The following KCNN2 variants were observed in gnomAD, a reference collection of about 807,000 sequenced individuals.
KCNN2 encodes the protein small conductance calcium-activated potassium channel protein 2.
In KCNN2, 24 loss-of-function variants were observed where a neutral mutation model predicts 55.5. The observed-to-expected ratio is 0.43, with a 90% CI of 0.31 to 0.61. The LOEUF (loss-of-function observed/expected upper bound fraction) is 0.61, where lower values mean the gene tolerates loss of function less well. KCNN2 is among the 20% of genes least tolerant of loss of function. The probability of loss-of-function intolerance (pLI) is 0.08; values close to 1 mark genes in which losing one functional copy is unlikely to be tolerated. For synonymous variants in KCNN2, 431 were observed against 336.1 expected, an observed-to-expected ratio of 1.28 and a Z score of -3.09; for missense variants, 754 against 853.6, an observed-to-expected ratio of 0.88 and a Z score of 1.45.
At chr5:114,377,043 G>A (rs571199864) in intron 2 of KCNN2, among the ~76,000 whole-genome samples, 35 of 152,060 alleles carry the variant, frequency 2.3e-4, no homozygotes, top group Admixed American at 5.9e-4. Context: ...TTGTACTACC[G>A]CCCTCTAGCC....
chr5:114,462,990 A>C lies in KCNN2; in HGVS notation c.1638-59A>C, dbSNP rs546656411. 11 of 1,519,560 alleles carry C rather than the reference A, an allele frequency of 7.2e-6. No homozygotes were observed. In the African/African-American group the frequency reaches 9.6e-5, roughly 13 times the overall value. 94.1% of individuals were successfully genotyped at this position (1,519,560 alleles called of 1,614,324 possible). A position where few individuals can be genotyped will look rare whatever the true frequency, so the allele number is the denominator to read the frequency against. On this transcript the variant is annotated intron_variant, in intron 3 of 7. Transcript: ENST00000673685. ...AATTCGTTGAATTGAACCAAACCAC[A>C]CTTAACTATCATATTGGAGATTAAT...
intron 1 of KCNN2, among the ~76,000 whole-genome samples, chr5:114,091,475 G>T (rs560782147): frequency 6.6e-6 from 1 of 152,254 alleles, no homozygotes; most frequent in South Asian, 2.1e-4. Context: ...ATATTTCCCA[G>T]TGGGCTGAAG....
intron 1 of KCNN2, among the ~76,000 whole-genome samples, chr5:114,082,942 A>G (rs2112543040): frequency 6.6e-6 from 1 of 152,254 alleles, no homozygotes; most frequent in East Asian, 1.9e-4. Context: ...AACAGGTATA[A>G]AGTTTGTTTT....
intron 3 of KCNN2, among the ~76,000 whole-genome samples, chr5:114,446,425 A>T (rs576768870): frequency 6.6e-6 from 1 of 152,304 alleles, no homozygotes; most frequent in East Asian, 1.9e-4. Context: ...TTGCTGTCCA[A>T]CATGGCAGCC....
At chr5:114,181,793 G>A (rs1753246143) in intron 1 of KCNN2, among the ~76,000 whole-genome samples, 1 of 152,152 alleles carries the variant, frequency 6.6e-6, no homozygotes, top group Non-Finnish European at 1.5e-5. Flanking sequence ...GAGGTGGGCA[G>A]ATCACCTGAG....
intron 1 of KCNN2, among the ~76,000 whole-genome samples, chr5:114,057,783 A>C (rs1750242874): frequency 6.6e-6 from 1 of 152,220 alleles, no homozygotes; most frequent in Non-Finnish European, 1.5e-5. Context: ...CAAATAGCCA[A>C]TGAATGTATG....
At chr5:114,226,655 C>A (rs1754242496) in intron 2 of KCNN2, among the ~76,000 whole-genome samples, 1 of 152,072 alleles carries the variant, frequency 6.6e-6, no homozygotes, top group Admixed American at 6.5e-5. Context: ...GTAATCCCAG[C>A]AATTTGGGAG....
At chr5:114,340,951 T>C (rs990958981) in intron 2 of KCNN2, among the ~76,000 whole-genome samples, 2 of 152,212 alleles carry the variant, frequency 1.3e-5, no homozygotes, top group Non-Finnish European at 2.9e-5. Flanking sequence ...TTTTTCTATG[T>C]CTGGATTATT....
intron 3 of KCNN2, among the ~76,000 whole-genome samples, chr5:114,418,485 C>A (rs1759372571): frequency 1.3e-5 from 2 of 151,998 alleles, no homozygotes; most frequent in Admixed American, 6.6e-5. Flanking sequence ...ACAGAGTTTT[C>A]TTCGTCTTTT....
chr5:114,311,161 T>A (rs975499860), intron 2 of KCNN2, among the ~76,000 whole-genome samples: 2 of 151,520 alleles, frequency 1.3e-5, no homozygotes, highest in Admixed American at 6.6e-5. Context: ...ATATATATAT[T>A]TTTAATATTA....
At chr5:114,393,429 T>C (rs1020314148) in intron 2 of KCNN2, among the ~76,000 whole-genome samples, 1 of 152,138 alleles carries the variant, frequency 6.6e-6, no homozygotes, top group Non-Finnish European at 1.5e-5. Context: ...TACTTTCTAG[T>C]TTTGAAGTTT....
At chr5:114,448,433 G>C (rs1760509344) in intron 3 of KCNN2, among the ~76,000 whole-genome samples, 1 of 152,170 alleles carries the variant, frequency 6.6e-6, no homozygotes, top group East Asian at 1.9e-4. Context: ...TTCAGTTCCT[G>C]ACATTTTGGC....
At chr5:114,298,301 C>T (rs1756073366) in intron 2 of KCNN2, among the ~76,000 whole-genome samples, 1 of 152,234 alleles carries the variant, frequency 6.6e-6, no homozygotes, top group African/African-American at 2.4e-5. Context: ...CTAGTGCCTT[C>T]TCCCTCCACA....
chr5:114,467,563 T>C lies in KCNN2; in HGVS notation c.1779+4373T>C, dbSNP rs114856014. Reference sequence around the variant, plus strand: ...TGAAGAGAGTATATCTTTAAGTTCTTACATACAATAGTTTCTATTTTGTGC... The same window carrying C: ...TGAAGAGAGTATATCTTTAAGTTCTCACATACAATAGTTTCTATTTTGTGC... On this transcript the variant is annotated intron_variant, in intron 4 of 7. Transcript: ENST00000673685. Among the ~76,000 whole-genome samples the C allele has an allele frequency of 5.6e-3, 859 of 152,264 alleles. 8 individuals carry two copies. The highest frequency in any genetic ancestry group is 0.02 in the African/African-American group (828 of 41,536).
chr5:114,149,321 C>G (rs995181772), intron 1 of KCNN2, among the ~76,000 whole-genome samples: 1 of 152,008 alleles, frequency 6.6e-6, no homozygotes, highest in Admixed American at 6.6e-5. Context: ...TGCACTGAGC[C>G]GAGGAACAAA....
At chr5:114,240,104 A>G (rs1278693282) in intron 2 of KCNN2, among the ~76,000 whole-genome samples, 1 of 152,162 alleles carries the variant, frequency 6.6e-6, no homozygotes, top group African/African-American at 2.4e-5. Context: ...AAGTATGAAT[A>G]TAGATATTAA....
intron 2 of KCNN2, among the ~76,000 whole-genome samples, chr5:114,236,302 T>C (rs558154515): frequency 2.6e-5 from 4 of 152,318 alleles, no homozygotes; most frequent in South Asian, 2.1e-4. Context: ...GGTGTACTTA[T>C]AGAAGGAAAA....
At chr5:114,358,796 A>G (rs1489819723), upstream of KCNN2, among the ~76,000 whole-genome samples, 1 of 152,218 alleles carries the variant, frequency 6.6e-6, no homozygotes, top group Non-Finnish European at 1.5e-5. Context: ...TACATGTTAC[A>G]TGTATCTCTA....
chr5:114,205,510 G>A (rs1753750628), intron 1 of KCNN2, among the ~76,000 whole-genome samples: 1 of 152,144 alleles, frequency 6.6e-6, no homozygotes, highest in African/African-American at 2.4e-5. Context: ...CAGAATAGAA[G>A]TGCGAATTAA....
Sources: allele counts gnomAD v4.1 joint callset (sites outside exome capture counted in the v4.1 genomes callset), GRCh38; gene constraint gnomAD v4.1.1; transcripts MANE v1.5; gene names NCBI Gene and HGNC (gene_info 2026-07-23, HGNC 2026-07-21).